Variants in UBXN7 observed in about 807,000 individuals in gnomAD.
UBXN7 encodes the protein UBX domain-containing protein 7.
In UBXN7, 9 loss-of-function variants were observed where a neutral mutation model predicts 58.0. The ratio of observed to expected loss-of-function variants is 0.16; its 90% CI spans 0.09 to 0.27. The LOEUF (loss-of-function observed/expected upper bound fraction) is 0.27. Among genes scored for constraint, UBXN7 ranks in the 10% least tolerant of loss-of-function variants. The pLI, the probability that UBXN7 is intolerant of heterozygous loss-of-function variation, is 1.00. For synonymous variants in UBXN7, 208 were observed against 205.0 expected (o/e 1.01, Z -0.12); for missense variants, 328 against 599.6 (o/e 0.55, Z 4.73).
intron 8 of UBXN7, among the ~76,000 whole-genome samples, chr3:196,365,002 T>G (rs1728622582): frequency 6.6e-6 from 1 of 152,174 alleles, no homozygotes; most frequent in South Asian, 2.1e-4. Context: ...AGCTCGATTT[T>G]AAAAATTGTG....
chr3:196,428,460 A>G (rs1730918510), intron 1 of UBXN7, among the ~76,000 whole-genome samples: 1 of 152,146 alleles, frequency 6.6e-6, no homozygotes, highest in Admixed American at 6.6e-5. Flanking sequence ...TTAAAAAAAA[A>G]AAAAGAAAAA....
rs769630871 is a variant in UBXN7 at position 196,362,284 on chromosome 3, T to C, written c.1228+10A>G. The C allele has an allele frequency of 1.0e-5, 16 of 1,580,100 alleles. No individual in the cohort carries two copies. The highest frequency in any genetic ancestry group is 1.3e-5 in the Non-Finnish European group (15 of 1,166,036). On this transcript the variant is annotated intron_variant, in intron 9 of 10. Coordinates refer to ENST00000296328, the MANE Select transcript of UBXN7 (RefSeq NM_015562.2). ...AAGTTTGAAGTAAAGTATGTCTAAA[T>C]GTAACTTACCATTTACATCTATCCC...
chr3:196,373,676 C>G (rs1352896781), intron 5 of UBXN7, among the ~76,000 whole-genome samples: 1 of 148,302 alleles, frequency 6.7e-6, no homozygotes, highest in African/African-American at 2.6e-5. Flanking sequence ...TCACAAATAG[C>G]TTTTTTTTTG....
Position 196,353,391 on chromosome 3 carries a change from T to G in UBXN7, c.*3294A>C, listed in dbSNP as rs1245713626. Reference sequence around the variant, plus strand: ...ATTAAGTTTCCTGTTCTTTTCTCATTTGGCACTGTTGTTTTCTCTTCTCCA... The same window carrying G: ...ATTAAGTTTCCTGTTCTTTTCTCATGTGGCACTGTTGTTTTCTCTTCTCCA... On this transcript the variant is annotated 3_prime_UTR_variant, in exon 11 of 11. Coordinates refer to ENST00000296328, the MANE Select transcript of UBXN7 (RefSeq NM_015562.2). 6.6e-6 allele frequency: 1 copy of G among 152,198 alleles called. No homozygotes were observed. The highest frequency in any genetic ancestry group is 1.5e-5 in the Non-Finnish European group (1 of 68,038). 9.4% of individuals were successfully genotyped at this position (152,198 alleles called of 1,614,324 possible).
At chr3:196,362,054 C>T (rs956351466) in intron 9 of UBXN7, 131 bp from the exon 10 acceptor site, 23 of 1,028,498 alleles carry the variant, frequency 2.2e-5, no homozygotes, top group Middle Eastern at 3.1e-4. Flanking sequence ...AGTGCAGTGG[C>T]GTGATCTCAG....
At position 196,353,450 on chromosome 3, in the gene UBXN7, C is replaced by T. The variant is rs562710873; in HGVS notation, c.*3235G>A. On this transcript the variant is annotated 3_prime_UTR_variant, in exon 11 of 11. Coordinates refer to ENST00000296328, the MANE Select transcript of UBXN7 (RefSeq NM_015562.2). ...CGATACCAATTTCAAAAAAGTATTC[C>T]TCTCACTTTTTTCCCACTAGTTTTC... The T allele has an allele frequency of 1.3e-5, 2 of 151,428 alleles. No homozygotes were observed. The highest frequency in any genetic ancestry group is 3.9e-4 in the East Asian group (2 of 5,162). 9.4% of individuals were successfully genotyped at this position (151,428 alleles called of 1,614,324 possible).
intron 1 of UBXN7, among the ~76,000 whole-genome samples, chr3:196,418,307 A>G (rs937911360): frequency 4.7e-5 from 6 of 128,884 alleles, no homozygotes; most frequent in Non-Finnish European, 8.4e-5. Flanking sequence ...GGAATGACGG[A>G]ATGACGGACA....
rs945969190 is a variant in UBXN7, at chr3:196,382,613, G to T, written c.468+9200C>A. Among the ~76,000 whole-genome samples, 6 of 152,174 alleles carry T rather than the reference G, an allele frequency of 3.9e-5. No homozygotes were observed. The East Asian group carries it at 1.2e-3, about 29-fold the overall frequency. ...CAAAATAACCAGCTAACATCATAAT[G>T]ACAGGATCAAATTCACACACAATAA... On this transcript the variant is annotated intron_variant, in intron 5 of 10. Transcript: ENST00000296328.
Position 196,388,473 on chromosome 3 carries a change from G to T in UBXN7, c.468+3340C>A, listed in dbSNP as rs867463368. Among the ~76,000 whole-genome samples, 349 of 146,116 alleles carry T rather than the reference G, an allele frequency of 2.4e-3. 3 individuals carry two copies. Among genetic ancestry groups the T allele is most frequent in the East Asian group, 3.0e-3 (15 of 5,070 alleles). The stretch of plus-strand genomic sequence containing the variant: ...AAAAGAAATAAATAAGCTACTGTTT[G>T]TTTTTTTTTTTTCCAGTCTCTCTCA... On this transcript the variant is annotated intron_variant, in intron 5 of 10. Coordinates refer to ENST00000296328, the MANE Select transcript of UBXN7 (RefSeq NM_015562.2).
In UBXN7 at chr3:196,355,529, A is replaced by AG. The variant is rs1161913531; in HGVS notation, c.*1155dup. The AG allele has an allele frequency of 6.6e-6, 1 of 152,232 alleles. No homozygotes were observed. Among genetic ancestry groups the AG allele is most frequent in the East Asian group, 1.9e-4 (1 of 5,202 alleles). 9.4% of individuals were successfully genotyped at this position (152,232 alleles called of 1,614,324 possible). Reference sequence around the variant, plus strand: ...AATGGAGTTGAAAGGTCTTCCCCTTAGAGAGGCTTTCCGTTTTGATACCTT... The same window carrying AG: ...AATGGAGTTGAAAGGTCTTCCCCTTAGGAGAGGCTTTCCGTTTTGATACCTT... On this transcript the variant is annotated 3_prime_UTR_variant, in exon 11 of 11. Transcript: ENST00000296328.
chr3:196,392,951 T>G (rs796890596), intron 4 of UBXN7, among the ~76,000 whole-genome samples: 2 of 152,338 alleles, frequency 1.3e-5, no homozygotes, highest in African/African-American at 4.8e-5. Flanking sequence ...ACAAGACCTA[T>G]CTGTGCCTCA....
intron 1 of UBXN7, among the ~76,000 whole-genome samples, chr3:196,417,188 T>C (rs567714629): frequency 5.5e-4 from 83 of 152,082 alleles, no homozygotes; most frequent in African/African-American, 7.5e-4. Flanking sequence ...TGGCGGGCGC[T>C]TGTAGTCCCA....
Position 196,364,926 on chromosome 3 carries a change from T to C in UBXN7, c.835-2239A>G, listed in dbSNP as rs1250885258. Among the ~76,000 whole-genome samples, 4 of 152,086 alleles carry C rather than the reference T, an allele frequency of 2.6e-5. 1 individual carries two copies. The highest frequency in any genetic ancestry group is 4.8e-5 in the African/African-American group (2 of 41,420). The stretch of plus-strand genomic sequence containing the variant: ...CCCCTAAAAAGCAAGTAGAGGTGTC[T>C]ATGTGACATGCAATGGCTTAGGTGG... On this transcript the variant is annotated intron_variant, in intron 8 of 10. Coordinates refer to ENST00000296328, the MANE Select transcript of UBXN7 (RefSeq NM_015562.2).
chr3:196,367,825 G>C (rs566274490), intron 8 of UBXN7, among the ~76,000 whole-genome samples: 1 of 152,278 alleles, frequency 6.6e-6, no homozygotes, highest in East Asian at 1.9e-4. Context: ...GCAGGAGTAT[G>C]AGTATCATGA....
At chr3:196,385,083 G>A (rs940429200) in intron 5 of UBXN7, among the ~76,000 whole-genome samples, 5 of 152,168 alleles carry the variant, frequency 3.3e-5, no homozygotes, top group Non-Finnish European at 7.4e-5. Context: ...CCGCCATCTC[G>A]ACTCACTGCA....
intron 3 of UBXN7, among the ~76,000 whole-genome samples, chr3:196,402,658 G>A (rs1730029101): frequency 6.6e-6 from 1 of 152,120 alleles, no homozygotes. Context: ...AGTCAAGTAG[G>A]TATCCAGAAA....
At chr3:196,366,480 T>C (rs1728670379) in intron 8 of UBXN7, among the ~76,000 whole-genome samples, 1 of 150,904 alleles carries the variant, frequency 6.6e-6, no homozygotes. Flanking sequence ...TTTTTAAAGT[T>C]CTCTCAAGGC....
Position 196,362,340 on chromosome 3 carries a change from C to T in UBXN7, c.1182G>A (p.Met394Ile), listed in dbSNP as rs1286085481. ...CTACTCCATCTGCTTTTTCAGGTGG[C>T]ATCTCCAGTATCTCTGAATCCACAG... ...LPAVDSEILE[M>I]PPEKADGVVE... is the part of the protein sequence containing the mutation. Residue 394 changes from methionine (M) to isoleucine (I), a missense_variant, in exon 9 of 11, where the codon ATG (methionine) becomes ATA (isoleucine). Around this residue, in one of 4 missense-constraint regions of UBXN7, gnomAD observed 66 missense variants for 77.9 expected, o/e 0.85. Coordinates refer to ENST00000296328, the MANE Select transcript of UBXN7 (RefSeq NM_015562.2). The T allele has an allele frequency of 6.2e-7, 1 of 1,612,728 alleles. No individual in the cohort carries two copies. The highest frequency in any genetic ancestry group is 8.5e-7 in the Non-Finnish European group (1 of 1,179,490).
chr3:196,432,309 G>A lies in UBXN7; in HGVS notation c.73+18C>T, dbSNP rs1187335346. 2 of 1,613,348 alleles carry A rather than the reference G, an allele frequency of 1.2e-6. No homozygotes were observed. Among genetic ancestry groups the A allele is most frequent in the African/African-American group, 1.3e-5 (1 of 75,050 alleles). ...CTCCGGACCCCACTCTCCACCTTCC[G>A]GTAACCGCGTCTCTTACCGGTAATG... is the stretch of plus-strand genomic sequence containing the variant. On this transcript the variant is annotated intron_variant, in intron 1 of 10. Transcript: ENST00000296328.
Sources: allele counts gnomAD v4.1 joint callset (sites outside exome capture counted in the v4.1 genomes callset), GRCh38; gene constraint gnomAD v4.1.1; regional missense constraint gnomAD v4.1.1; transcripts MANE v1.5; gene names NCBI Gene and HGNC (gene_info 2026-07-23, HGNC 2026-07-21).